GPHN: variants seen among roughly 807,000 people sequenced by gnomAD.
GPHN encodes the protein gephyrin.
A neutral mutation model predicts 95.5 loss-of-function variants in GPHN; 17 were observed. That is an observed-to-expected ratio of 0.18 (90% confidence interval 0.12 to 0.27). The LOEUF (loss-of-function observed/expected upper bound fraction) is 0.27, where lower values mean the gene tolerates loss of function less well. GPHN is among the 10% of genes least tolerant of loss of function. The pLI, the probability that GPHN is intolerant of heterozygous loss-of-function variation, is 1.00. For missense variants in GPHN, 660 were observed against 978.1 expected, an observed-to-expected ratio of 0.67 and a Z score of 4.34; for synonymous variants, 320 against 322.5, an observed-to-expected ratio of 0.99 and a Z score of 0.08.
intron 1 of GPHN, among the ~76,000 whole-genome samples, chr14:66,596,190 A>G (rs1020286169): frequency 1.3e-5 from 2 of 152,104 alleles, no homozygotes; most frequent in Admixed American, 6.5e-5. Context: ...GGCTGAGTCC[A>G]GGGTTTCTAT....
chr14:66,603,095 A>C (rs2062336913), intron 1 of GPHN, among the ~76,000 whole-genome samples: 1 of 151,896 alleles, frequency 6.6e-6, no homozygotes. Context: ...TGTATTCTTA[A>C]ACATGGGATC....
chr14:66,912,864 A>G (rs2065736179), intron 5 of GPHN, among the ~76,000 whole-genome samples: 1 of 152,202 alleles, frequency 6.6e-6, no homozygotes, highest in Non-Finnish European at 1.5e-5. Context: ...GGTTATGGAA[A>G]CTAAGGATTA....
At chr14:66,795,860 T>A (rs566713605) in intron 3 of GPHN, among the ~76,000 whole-genome samples, 7 of 152,184 alleles carry the variant, frequency 4.6e-5, no homozygotes, top group Non-Finnish European at 8.8e-5. Context: ...CTTTTAGTTA[T>A]TTTTAAATAG....
At chr14:67,479,239 C>G in the GPHN span, among the ~76,000 whole-genome samples, 8 of 151,924 alleles carry the variant, frequency 5.3e-5, no homozygotes, top group East Asian at 1.5e-3. Flanking sequence ...AACCCTGTCT[C>G]TACTAAAAGT....
chr14:67,468,897 A>AAAT, the GPHN span, among the ~76,000 whole-genome samples: 1 of 151,842 alleles, frequency 6.6e-6, no homozygotes, highest in Non-Finnish European at 1.5e-5. Context: ...TCTGTCTCAA[A>AAAT]AATAATAATA....
At chr14:67,521,687 A>G in the GPHN span, among the ~76,000 whole-genome samples, 129 of 152,332 alleles carry the variant, frequency 8.5e-4, no homozygotes, top group African/African-American at 3.1e-3. Context: ...TAAGACATTA[A>G]TGGGTGTGCA....
intron 1 of GPHN, among the ~76,000 whole-genome samples, chr14:66,602,752 T>C (rs1193337663): frequency 6.6e-6 from 1 of 151,828 alleles, no homozygotes; most frequent in Non-Finnish European, 1.5e-5. Context: ...AGAAAGAATA[T>C]GTTAATATGA....
intron 17 of GPHN, among the ~76,000 whole-genome samples, chr14:67,126,564 G>A (rs1250258190): frequency 6.6e-6 from 1 of 152,198 alleles, no homozygotes; most frequent in African/African-American, 2.4e-5. Context: ...TCAGGTAGAA[G>A]GATAAGACAG....
chr14:67,356,434 CAAA>C, the GPHN span, among the ~76,000 whole-genome samples: 1 of 129,740 alleles, frequency 7.7e-6, no homozygotes, highest in Non-Finnish European at 1.8e-5. Context: ...AAAACAAAAA[CAAA>C]AAAAAAAAAA....
the GPHN span, chr14:67,343,468 C>G: frequency 6.8e-7 from 1 of 1,463,468 alleles, no homozygotes; most frequent in African/African-American, 1.4e-5. Context: ...ATAATGTAAG[C>G]ACAAAGTCTT....
At chr14:67,377,719 A>T in the GPHN span, among the ~76,000 whole-genome samples, 1 of 152,146 alleles carries the variant, frequency 6.6e-6, no homozygotes, top group Non-Finnish European at 1.5e-5. Flanking sequence ...ATCAGCATAA[A>T]AATATCTCTA....
intron 21 of GPHN, among the ~76,000 whole-genome samples, chr14:67,172,026 G>A (rs1033850378): frequency 1.3e-5 from 2 of 152,150 alleles, no homozygotes; most frequent in Admixed American, 6.5e-5. Flanking sequence ...AGGAGTCAAC[G>A]CTATGCTCCA....
At chr14:67,459,480 T>C in the GPHN span, among the ~76,000 whole-genome samples, 3 of 152,348 alleles carry the variant, frequency 2.0e-5, no homozygotes, top group East Asian at 5.8e-4. Flanking sequence ...ATGAAACCGA[T>C]GCCCTTCACA....
the GPHN span, among the ~76,000 whole-genome samples, chr14:67,379,901 G>T: frequency 6.6e-6 from 1 of 151,648 alleles, no homozygotes; most frequent in African/African-American, 2.4e-5. Context: ...TGATCCGCCC[G>T]CCTCGGCCTC....
intron 10 of GPHN, among the ~76,000 whole-genome samples, chr14:67,056,913 G>A (rs1006354436): frequency 1.2e-4 from 19 of 152,322 alleles, no homozygotes; most frequent in Admixed American, 9.1e-4. Flanking sequence ...CTCGCGGGTC[G>A]GCAATGCTGG....
At chr14:66,601,192 TA>T (rs911378573) in intron 1 of GPHN, among the ~76,000 whole-genome samples, 51 of 152,180 alleles carry the variant, frequency 3.4e-4, no homozygotes, top group Admixed American at 1.8e-3. Flanking sequence ...TATTTCTATC[TA>T]AAAGCGTTAA....
chr14:66,578,050 T>G (rs987051753), intron 1 of GPHN, among the ~76,000 whole-genome samples: 5 of 151,914 alleles, frequency 3.3e-5, no homozygotes, highest in Admixed American at 3.3e-4. Context: ...AAATTAACAA[T>G]CTGAACAAGA....
chr14:67,144,785 C>T (rs1196337338), intron 18 of GPHN, among the ~76,000 whole-genome samples: 1 of 152,172 alleles, frequency 6.6e-6, no homozygotes, highest in Non-Finnish European at 1.5e-5. Context: ...GCAACCTGAA[C>T]AGAAGAATGC....
At chr14:67,600,079 G>C in the GPHN span, 1 of 1,593,180 alleles carries the variant, frequency 6.3e-7, no homozygotes, top group Non-Finnish European at 8.5e-7. Context: ...GGTGACAGCG[G>C]TGAGCGAACG....
Sources: allele counts gnomAD v4.1 joint callset (sites outside exome capture counted in the v4.1 genomes callset), GRCh38; gene constraint gnomAD v4.1.1; transcripts MANE v1.5; gene names NCBI Gene and HGNC (gene_info 2026-07-23, HGNC 2026-07-21).